LRRC72: variants seen among roughly 807,000 people sequenced by gnomAD.
The protein encoded by LRRC72 is leucine rich repeat containing 72.
A neutral mutation model predicts 35.8 loss-of-function variants in LRRC72; 41 were observed. The observed-to-expected ratio is 1.15, with a 90% CI of 0.89 to 1.49. The LOEUF (loss-of-function observed/expected upper bound fraction) is 1.49, where lower values mean the gene tolerates loss of function less well. LRRC72 is among the 40% of genes most tolerant of loss of function. LRRC72 has a pLI of 0.00. For synonymous variants in LRRC72, 118 were observed against 119.2 expected, an observed-to-expected ratio of 0.99 and a Z score of 0.07; for missense variants, 389 against 330.7, an observed-to-expected ratio of 1.18 and a Z score of -1.37.
chr7:16,556,657 T>C (rs1782655089), intron 3 of LRRC72, among the ~76,000 whole-genome samples: 1 of 152,014 alleles, frequency 6.6e-6, no homozygotes, highest in Non-Finnish European at 1.5e-5. Flanking sequence ...CATGAGGCCA[T>C]AAAGAAAGAG....
intron 3 of LRRC72, among the ~76,000 whole-genome samples, chr7:16,550,362 T>C (rs1782528115): frequency 6.6e-6 from 1 of 152,238 alleles, no homozygotes; most frequent in Admixed American, 6.5e-5. Flanking sequence ...TTATTCTTTC[T>C]GACTGCTTCC....
At chr7:16,580,438 T>A (rs1483910336) in intron 8 of LRRC72, among the ~76,000 whole-genome samples, 1 of 151,910 alleles carries the variant, frequency 6.6e-6, no homozygotes, top group Non-Finnish European at 1.5e-5. Context: ...AGGTCAGGAG[T>A]TCGAGACCAG....
chr7:16,533,966 A>G (rs1159422149), intron 2 of LRRC72, among the ~76,000 whole-genome samples: 2 of 152,194 alleles, frequency 1.3e-5, no homozygotes, highest in African/African-American at 2.4e-5. Context: ...TAATAAGAGT[A>G]GCTTTAAAAT....
chr7:16,560,371 T>C (rs1010352070), intron 5 of LRRC72, among the ~76,000 whole-genome samples: 3 of 152,144 alleles, frequency 2.0e-5, no homozygotes, highest in African/African-American at 7.2e-5. Context: ...TGAGGGAAAA[T>C]GATTCATTTG....
At chr7:16,558,175 G>A (rs769411279) in intron 4 of LRRC72, among the ~76,000 whole-genome samples, 8 of 152,090 alleles carry the variant, frequency 5.3e-5, no homozygotes, top group African/African-American at 1.9e-4. Flanking sequence ...TGGAGGAGAT[G>A]AGTAATTTTT....
chr7:16,578,805 T>C (rs1020892574), intron 7 of LRRC72, among the ~76,000 whole-genome samples: 4 of 152,190 alleles, frequency 2.6e-5, no homozygotes, highest in African/African-American at 9.6e-5. Context: ...AATCCTGTCA[T>C]TTTTTGACAA....
intron 2 of LRRC72, among the ~76,000 whole-genome samples, chr7:16,537,313 TTG>T (rs1173022060): frequency 6.6e-6 from 1 of 152,178 alleles, no homozygotes; most frequent in African/African-American, 2.4e-5. Flanking sequence ...CTTTTTTCCT[TTG>T]TCCTCTCCCC....
chr7:16,557,071 T>G (rs368586840), intron 3 of LRRC72, among the ~76,000 whole-genome samples: 17 of 152,306 alleles, frequency 1.1e-4, no homozygotes, highest in African/African-American at 3.4e-4. Context: ...GCAAAAGGGC[T>G]AGGCCAGGTT....
Position 16,567,443 on chromosome 7 carries a change from G to A in LRRC72, c.570G>A (p.Lys190=). 1 of 1,525,322 alleles carries A rather than the reference G, an allele frequency of 6.6e-7. No individual in the cohort carries two copies. The highest frequency in any genetic ancestry group is 8.8e-7 in the Non-Finnish European group (1 of 1,135,912). 94.5% of individuals were successfully genotyped at this position (1,525,322 alleles called of 1,614,324 possible). The change falls in exon 7 of 9, where the codon AAG becomes AAA. Residue 190 remains lysine, a synonymous_variant. Transcript: ENST00000401542. ...TGATTACCATTTTTAACCATAAAAA[G>A]GCTCATATCGTTCAATCAATAGCAT... ...RSMITIFNHK[K]AHIVQSIAFG...
At chr7:16,531,595 G>T (rs1489081770) in intron 1 of LRRC72, among the ~76,000 whole-genome samples, 1 of 152,116 alleles carries the variant, frequency 6.6e-6, no homozygotes, top group Non-Finnish European at 1.5e-5. Context: ...CTAAAATTCG[G>T]TGATTGTTTT....
intron 5 of LRRC72, among the ~76,000 whole-genome samples, chr7:16,561,165 C>T (rs1338852234): frequency 6.6e-6 from 1 of 152,064 alleles, no homozygotes; most frequent in Non-Finnish European, 1.5e-5. Context: ...GATAATAGGA[C>T]TCAAATTTGA....
At chr7:16,572,280 G>A (rs755660024) in intron 7 of LRRC72, among the ~76,000 whole-genome samples, 38 of 152,182 alleles carry the variant, frequency 2.5e-4, no homozygotes, top group Non-Finnish European at 4.4e-4. Flanking sequence ...CATAGAAAAA[G>A]AGGAACTCCA....
At position 16,559,455 on chromosome 7, in the gene LRRC72, C is replaced by A. The variant is rs111937711; in HGVS notation, c.427+456C>A. Among the ~76,000 whole-genome samples, 1,261 of 151,726 alleles carry A rather than the reference C, an allele frequency of 8.3e-3. 17 individuals are homozygous for A. The highest frequency in any genetic ancestry group is 0.029 in the African/African-American group (1,208 of 41,372). Reference sequence around the variant, plus strand: ...CTAGATCTTATTGTCTTTTAAGATACGCTTTTGAAAAAACAACAGATAGAA... The same window carrying A: ...CTAGATCTTATTGTCTTTTAAGATAAGCTTTTGAAAAAACAACAGATAGAA... On this transcript the variant is annotated intron_variant, in intron 5 of 8. Coordinates refer to ENST00000401542, the MANE Select transcript of LRRC72 (RefSeq NM_001195280.2).
chr7:16,581,505 G>A lies in LRRC72; in HGVS notation c.*16G>A. The A allele has an allele frequency of 6.6e-7, 1 of 1,519,564 alleles. No homozygotes were observed. Among genetic ancestry groups the A allele is most frequent in the Non-Finnish European group, 8.8e-7 (1 of 1,132,654 alleles). 94.1% of individuals were successfully genotyped at this position (1,519,564 alleles called of 1,614,324 possible). ...ACTGAGATAAGCCCTGGTATTTCTA[G>A]ATATCTTAGTGGTTTTCAGTTGTAT... On this transcript the variant is annotated 3_prime_UTR_variant, in exon 9 of 9. Coordinates refer to ENST00000401542, the MANE Select transcript of LRRC72 (RefSeq NM_001195280.2).
Position 16,526,903 on chromosome 7 carries a change from G to T in LRRC72, c.-50G>T. The T allele has an allele frequency of 2.8e-6, 4 of 1,452,004 alleles. No individual in the cohort carries two copies. Among genetic ancestry groups the T allele is most frequent in the Non-Finnish European group, 2.8e-6 (3 of 1,070,444 alleles). The allele number at this position is 1,452,004 out of a possible 1,614,324, so 89.9% of individuals were successfully genotyped here. On this transcript the variant is annotated 5_prime_UTR_variant, in exon 1 of 9. Transcript: ENST00000401542. ...GCCAAGTCTCTCTTCGGTGCCACCG[G>T]CGGGCGAGGCCGGATTAATCACCGC...
intron 8 of LRRC72, among the ~76,000 whole-genome samples, chr7:16,580,733 G>A (rs955619104): frequency 4.6e-5 from 7 of 152,094 alleles, no homozygotes; most frequent in African/African-American, 4.8e-5. Flanking sequence ...CTCTAAATAT[G>A]TTCAGTCATA....
At chr7:16,567,933 A>T (rs1007544061) in intron 7 of LRRC72, among the ~76,000 whole-genome samples, 7 of 152,168 alleles carry the variant, frequency 4.6e-5, no homozygotes, top group African/African-American at 1.7e-4. Flanking sequence ...CATGAAGAAG[A>T]AATAAAGATC....
chr7:16,529,841 C>T (rs1411356397), intron 1 of LRRC72, among the ~76,000 whole-genome samples: 3 of 152,082 alleles, frequency 2.0e-5, no homozygotes, highest in East Asian at 1.9e-4. Context: ...ATTTTTAAAA[C>T]ATGCATTACT....
intron 3 of LRRC72, among the ~76,000 whole-genome samples, chr7:16,545,356 T>G (rs1331731218): frequency 1.3e-5 from 2 of 152,190 alleles, no homozygotes; most frequent in Admixed American, 6.5e-5. Context: ...CTTTGGAAAT[T>G]GAAATAATTA....
Sources: allele counts gnomAD v4.1 joint callset (sites outside exome capture counted in the v4.1 genomes callset), GRCh38; gene constraint gnomAD v4.1.1; transcripts MANE v1.5; gene names NCBI Gene and HGNC (gene_info 2026-07-23, HGNC 2026-07-21).